The following RBPMS2 variants were observed in gnomAD, a reference collection of about 807,000 sequenced individuals.
The protein encoded by RBPMS2 is RNA-binding protein with multiple splicing 2.
RBPMS2 carries 14 observed loss-of-function variants against 25.7 expected under a neutral mutation model. The observed-to-expected ratio is 0.55, with a 90% CI of 0.36 to 0.85. The LOEUF (loss-of-function observed/expected upper bound fraction) is 0.85, where lower values mean the gene tolerates loss of function less well. RBPMS2 is among the 40% of genes least tolerant of loss of function. The pLI, the probability that RBPMS2 is intolerant of heterozygous loss-of-function variation, is 0.01. For missense variants in RBPMS2, 252 were observed against 283.4 expected, an observed-to-expected ratio of 0.89 and a Z score of 0.80; for synonymous variants, 127 against 115.6, an observed-to-expected ratio of 1.10 and a Z score of -0.63.
At chr15:64,751,015 CTGAG>C (rs1028967043) in intron 2 of RBPMS2, among the ~76,000 whole-genome samples, 8 of 150,790 alleles carry the variant, frequency 5.3e-5, no homozygotes, top group African/African-American at 2.0e-4. Context: ...GCCTGGGCAA[CTGAG>C]TGAGACTCTG....
intron 1 of RBPMS2, among the ~76,000 whole-genome samples, chr15:64,758,122 C>CAA (rs1367133331): frequency 1.3e-5 from 2 of 152,224 alleles, no homozygotes; most frequent in African/African-American, 4.8e-5. Flanking sequence ...AGCACATACA[C>CAA]AAAACGTTTT....
intron 1 of RBPMS2, among the ~76,000 whole-genome samples, chr15:64,765,989 CA>C (rs11315072): frequency 0.85 from 122,505 of 144,708 alleles, 53,187 homozygotes; most frequent in East Asian, 0.96. Flanking sequence ...GAGACTGTCT[CA>C]AAAAAAAAAA....
At chr15:64,751,662 G>A in intron 1 of RBPMS2, 24 bp from the exon 2 acceptor site, 1 of 1,605,008 alleles carries the variant, frequency 6.2e-7, no homozygotes, top group East Asian at 2.2e-5. Flanking sequence ...CCAGTGATCA[G>A]GGCCAGGCTG....
intron 1 of RBPMS2, among the ~76,000 whole-genome samples, chr15:64,759,965 G>A (rs946365627): frequency 2.0e-5 from 3 of 152,198 alleles, no homozygotes; most frequent in Non-Finnish European, 4.4e-5. Flanking sequence ...GAGCCACCGC[G>A]CCAGGCCTAC....
At chr15:64,762,719 G>C (rs1277159963) in intron 1 of RBPMS2, among the ~76,000 whole-genome samples, 3 of 152,140 alleles carry the variant, frequency 2.0e-5, no homozygotes, top group Middle Eastern at 3.2e-3. Flanking sequence ...CTACAGTAGA[G>C]TAGACTCGCC....
chr15:64,760,963 T>C (rs1364581346), intron 1 of RBPMS2, among the ~76,000 whole-genome samples: 2 of 150,400 alleles, frequency 1.3e-5, no homozygotes, highest in Non-Finnish European at 3.0e-5. Flanking sequence ...TAAATTCCTG[T>C]CTCACAGGAT....
intron 6 of RBPMS2, among the ~76,000 whole-genome samples, chr15:64,742,758 G>A (rs142237312): frequency 6.6e-6 from 1 of 152,330 alleles, no homozygotes; most frequent in African/African-American, 2.4e-5. Context: ...GAAAGGAGTA[G>A]AAGCTGGGCC....
chr15:64,747,028 G>C (rs1483948700), intron 6 of RBPMS2, among the ~76,000 whole-genome samples: 2 of 152,154 alleles, frequency 1.3e-5, no homozygotes, highest in Admixed American at 6.5e-5. Context: ...ACAGAACCCA[G>C]TTTGCAGTAA....
rs747338131 is a variant in RBPMS2, at chr15:64,740,922, G to A, written c.*86C>T. On this transcript the variant is annotated 3_prime_UTR_variant, in exon 8 of 8. Coordinates refer to ENST00000300069, the MANE Select transcript of RBPMS2 (RefSeq NM_194272.3). ...GGAGGGCAGCAGCTCTGTGCAGGCC[G>A]CCCGGGGGCAGTGGGAACTCGGGGC... 135 of 436,728 alleles carry A rather than the reference G, an allele frequency of 3.1e-4. 1 individual carries two copies. Among genetic ancestry groups the A allele is most frequent in the African/African-American group, 3.6e-4 (18 of 49,772 alleles). The allele number at this position is 436,728 out of a possible 1,614,324, so 27.1% of individuals were successfully genotyped here.
intron 1 of RBPMS2, 55 bp downstream of exon 1, chr15:64,775,178 C>A: frequency 9.3e-7 from 1 of 1,079,792 alleles, no homozygotes; most frequent in South Asian, 4.4e-5. Context: ...CTCGCCCTCT[C>A]CCGCGCCCGC....
At chr15:64,758,270 A>C (rs2083752105) in intron 1 of RBPMS2, among the ~76,000 whole-genome samples, 1 of 152,198 alleles carries the variant, frequency 6.6e-6, no homozygotes, top group Non-Finnish European at 1.5e-5. Flanking sequence ...TTCCTGTCCC[A>C]AAATGTGAAG....
intron 6 of RBPMS2, among the ~76,000 whole-genome samples, chr15:64,746,745 C>G (rs2083620786): frequency 6.6e-6 from 1 of 152,178 alleles, no homozygotes; most frequent in African/African-American, 2.4e-5. Flanking sequence ...TCTGTCACAG[C>G]CTAGCAATTC....
In RBPMS2 at chr15:64,775,390, G is replaced by T; in HGVS notation, c.-71C>A. 1 of 891,912 alleles carries T rather than the reference G, an allele frequency of 1.1e-6. No individual in the cohort carries two copies. Among genetic ancestry groups the T allele is most frequent in the Non-Finnish European group, 1.5e-6 (1 of 682,894 alleles). The allele number at this position is 891,912 out of a possible 1,614,324, so 55.2% of individuals were successfully genotyped here. ...GCGCCGGCCCCGCGGGAAGTGGGAA[G>T]GGGCGCGGGGAGCGGTGCGCTCGCG... On this transcript the variant is annotated 5_prime_UTR_variant, in exon 1 of 8. Transcript: ENST00000300069.
chr15:64,771,151 C>T (rs1407462650), intron 1 of RBPMS2, among the ~76,000 whole-genome samples: 1 of 152,226 alleles, frequency 6.6e-6, no homozygotes, highest in African/African-American at 2.4e-5. Context: ...TCCAGGGGTG[C>T]CCCCCAGTTA....
intron 6 of RBPMS2, among the ~76,000 whole-genome samples, chr15:64,744,356 C>G (rs1267417305): frequency 1.3e-5 from 2 of 151,692 alleles, no homozygotes; most frequent in African/African-American, 4.8e-5. Context: ...GTCGAGAGTT[C>G]GAGACCAGCC....
chr15:64,753,494 C>G (rs1431763303), intron 1 of RBPMS2, among the ~76,000 whole-genome samples: 1 of 152,186 alleles, frequency 6.6e-6, no homozygotes, highest in East Asian at 1.9e-4. Flanking sequence ...CCAAGAATGT[C>G]AAAGGAAATC....
chr15:64,746,458 C>T (rs569186732), intron 6 of RBPMS2, among the ~76,000 whole-genome samples: 1 of 152,352 alleles, frequency 6.6e-6, no homozygotes, highest in African/African-American at 2.4e-5. Context: ...AACAACACAC[C>T]TATCAAGTAG....
At chr15:64,758,206 G>A (rs1321638255) in intron 1 of RBPMS2, among the ~76,000 whole-genome samples, 2 of 152,292 alleles carry the variant, frequency 1.3e-5, no homozygotes, top group Middle Eastern at 3.4e-3. Flanking sequence ...GCATTCACTT[G>A]GGCCCTTTTC....
At chr15:64,741,526 T>G (rs909366932) in intron 6 of RBPMS2, among the ~76,000 whole-genome samples, 2 of 152,202 alleles carry the variant, frequency 1.3e-5, no homozygotes, top group African/African-American at 4.8e-5. Flanking sequence ...ACTATACTGG[T>G]GGGAGCCCTG....
Sources: allele counts gnomAD v4.1 joint callset (sites outside exome capture counted in the v4.1 genomes callset), GRCh38; gene constraint gnomAD v4.1.1; transcripts MANE v1.5; gene names NCBI Gene and HGNC (gene_info 2026-07-23, HGNC 2026-07-21).